The following PLA1A variants were observed in gnomAD, a reference collection of about 807,000 sequenced individuals.
The protein encoded by PLA1A is phosphatidylserine-specific phospholipase A1alpha.
Under a neutral mutation model 49.4 loss-of-function variants are expected in PLA1A, and 47 were observed. That is an observed-to-expected ratio of 0.95 (90% CI 0.75 to 1.21). The LOEUF (loss-of-function observed/expected upper bound fraction) is 1.21, where lower values mean the gene tolerates loss of function less well. Among genes scored for constraint, PLA1A ranks in the 50% most tolerant of loss-of-function variants. PLA1A has a pLI of 0.00. For synonymous variants in PLA1A, 224 were observed against 207.9 expected, an observed-to-expected ratio of 1.08 and a Z score of -0.67; for missense variants, 561 against 563.9, an observed-to-expected ratio of 0.99 and a Z score of 0.05.
chr3:119,609,671 G>C lies in PLA1A; in HGVS notation c.562+95G>C, dbSNP rs189332284. On this transcript the variant is annotated intron_variant, in intron 4 of 10. Transcript: ENST00000273371. Reference sequence around the variant, plus strand: ...TAAAGCAAGCAGAGGGGAGTACAGAGCCTTTGTTCTCACGATCAAGTCACC... The same window carrying C: ...TAAAGCAAGCAGAGGGGAGTACAGACCCTTTGTTCTCACGATCAAGTCACC... The C allele has an allele frequency of 2.7e-5, 18 of 657,852 alleles. No individual in the cohort carries two copies. In the East Asian group the frequency reaches 4.8e-4, roughly 18 times the overall value. 40.8% of individuals were successfully genotyped at this position (657,852 alleles called of 1,614,324 possible). A position where few individuals can be genotyped will look rare whatever the true frequency, so the allele number is the denominator to read the frequency against.
At chr3:119,612,634 G>A (rs900824595) in intron 4 of PLA1A, among the ~76,000 whole-genome samples, 1 of 151,874 alleles carries the variant, frequency 6.6e-6, no homozygotes, top group South Asian at 2.1e-4. Flanking sequence ...AACTACAGGC[G>A]CCCGCCACTA....
intron 3 of PLA1A, 70 bp from the exon 4 acceptor site, chr3:119,609,398 G>T (rs1270096131): frequency 1.0e-6 from 1 of 967,764 alleles, no homozygotes; most frequent in African/African-American, 1.6e-5. Context: ...AAGCTTTGGG[G>T]GAAAGCCTGC....
chr3:119,622,951 C>T (rs1452984305), intron 8 of PLA1A, among the ~76,000 whole-genome samples: 2 of 152,062 alleles, frequency 1.3e-5, no homozygotes, highest in African/African-American at 2.4e-5. Flanking sequence ...CTCAGCCTCC[C>T]GAGTAGCTGG....
At chr3:119,626,599 T>C (rs1166568101) in intron 9 of PLA1A, among the ~76,000 whole-genome samples, 2 of 152,108 alleles carry the variant, frequency 1.3e-5, no homozygotes, top group Non-Finnish European at 2.9e-5. Context: ...TGAGAGTAGT[T>C]TGGAGAGCCA....
At chr3:119,622,268 T>G (rs2082951447) in intron 8 of PLA1A, among the ~76,000 whole-genome samples, 1 of 152,182 alleles carries the variant, frequency 6.6e-6, no homozygotes, top group Admixed American at 6.5e-5. Flanking sequence ...AAGGAAGAAG[T>G]ATTAATAATA....
chr3:119,614,979 G>A (rs970226394), intron 5 of PLA1A, among the ~76,000 whole-genome samples: 1 of 152,162 alleles, frequency 6.6e-6, no homozygotes, highest in Non-Finnish European at 1.5e-5. Flanking sequence ...TAAAGACAGA[G>A]AGAAGTAGAC....
At chr3:119,598,922 T>G (rs147620590) in intron 1 of PLA1A, among the ~76,000 whole-genome samples, 2 of 152,190 alleles carry the variant, frequency 1.3e-5, no homozygotes, top group Non-Finnish European at 2.9e-5. Flanking sequence ...TTTTCAGAGG[T>G]GCTGTTGAGC....
intron 9 of PLA1A, 116 bp from the exon 10 acceptor site, chr3:119,628,585 C>G (rs564115886): frequency 1.2e-6 from 1 of 839,430 alleles, no homozygotes; most frequent in Admixed American, 2.2e-5. Context: ...AAGGAGCTAA[C>G]CCCTTGGTGC....
chr3:119,598,725 A>G (rs1453081053), intron 1 of PLA1A: 1 of 152,232 alleles, frequency 6.6e-6, no homozygotes, highest in Admixed American at 6.5e-5. Context: ...CCCTGGCTCT[A>G]GAATATGTCA....
At chr3:119,615,808 A>C (rs183538699) in intron 5 of PLA1A, among the ~76,000 whole-genome samples, 1 of 151,498 alleles carries the variant, frequency 6.6e-6, no homozygotes, top group Non-Finnish European at 1.5e-5. Flanking sequence ...CGAGAGAGCG[A>C]AAAAAGAAAG....
At chr3:119,608,352 G>A (rs903427074) in intron 2 of PLA1A, among the ~76,000 whole-genome samples, 3 of 152,062 alleles carry the variant, frequency 2.0e-5, no homozygotes, top group African/African-American at 4.8e-5. Context: ...AATTAAGATC[G>A]CAAATCTTAA....
chr3:119,608,298 A>AAGAG lies in PLA1A; in HGVS notation c.276-471_276-470insGAGA, dbSNP rs1560078969. Among the ~76,000 whole-genome samples, 22 of 148,802 alleles carry AAGAG rather than the reference A, an allele frequency of 1.5e-4. No individual in the cohort carries two copies. In the East Asian group the frequency reaches 2.0e-3, roughly 13 times the overall value. On this transcript the variant is annotated intron_variant, in intron 2 of 10. Coordinates refer to ENST00000273371, the MANE Select transcript of PLA1A (RefSeq NM_015900.4). ...AAAGAAAGAAAGAAAGAAAGAAAGA[A>AAGAG]AAAGAAAATGTCCACAAAGAAAGAG...
chr3:119,608,585 C>T (rs1379470319), intron 2 of PLA1A, among the ~76,000 whole-genome samples, 185 bp from the exon 3 acceptor site: 1 of 152,168 alleles, frequency 6.6e-6, no homozygotes, highest in East Asian at 1.9e-4. Context: ...TATGTGCTGG[C>T]GGAAGGGCTG....
intron 5 of PLA1A, among the ~76,000 whole-genome samples, chr3:119,615,016 A>G (rs1203244728): frequency 6.6e-6 from 1 of 152,218 alleles, no homozygotes; most frequent in African/African-American, 2.4e-5. Context: ...TTGGAGGTAG[A>G]GCTGACTAGA....
chr3:119,621,604 C>T (rs557317295), intron 8 of PLA1A, among the ~76,000 whole-genome samples: 1 of 152,224 alleles, frequency 6.6e-6, no homozygotes, highest in African/African-American at 2.4e-5. Flanking sequence ...AATTTTTAAA[C>T]AATATATTCC....
intron 8 of PLA1A, among the ~76,000 whole-genome samples, 165 bp from the exon 9 acceptor site, chr3:119,624,959 G>A (rs2052494907): frequency 6.6e-6 from 1 of 152,160 alleles, no homozygotes; most frequent in Admixed American, 6.5e-5. Flanking sequence ...TCCTCAATTT[G>A]CACTTGAGGA....
intron 1 of PLA1A, among the ~76,000 whole-genome samples, chr3:119,604,685 A>C (rs1272479789): frequency 1.3e-5 from 2 of 152,236 alleles, no homozygotes; most frequent in Non-Finnish European, 2.9e-5. Context: ...CACTTAAAAA[A>C]GGTAAAGATG....
intron 7 of PLA1A, 71 bp from the exon 8 acceptor site, chr3:119,619,491 AC>A (rs2082898341): frequency 1.0e-6 from 1 of 957,180 alleles, no homozygotes; most frequent in Non-Finnish European, 1.7e-6. Context: ...ATTAATAAAC[AC>A]GTGGCTGGGT....
chr3:119,606,916 C>A lies in PLA1A; in HGVS notation c.216C>A (p.Asp72Glu), dbSNP rs2082697199. Reference protein sequence around the residue: ...SCGQLVEGSSDLQNSGFNATL... With the variant: ...SCGQLVEGSSELQNSGFNATL... The stretch of plus-strand genomic sequence containing the variant: ...GGCAGCTAGTAGAAGGAAGCAGTGA[C>A]CTCCAAAACTCTGGGTTCAATGCCA... The change falls in exon 2 of 11, where the codon GAC (aspartate) becomes GAA (glutamate). Residue 72 changes from aspartate to glutamate, a missense_variant. Asp to Glu is a conservative substitution (Grantham distance 45, BLOSUM62 2). Transcript: ENST00000273371. 7 of 1,614,128 alleles carry A rather than the reference C, an allele frequency of 4.3e-6. No homozygotes were observed. Among genetic ancestry groups the A allele is most frequent in the Non-Finnish European group, 5.1e-6 (6 of 1,180,008 alleles).
Sources: gnomAD v4.1 joint callset for allele counts (sites outside exome capture counted in the v4.1 genomes callset) on GRCh38, gnomAD v4.1.1 for gene constraint, MANE v1.5 for transcripts, NCBI Gene and HGNC (gene_info 2026-07-23, HGNC 2026-07-21) for gene names.